Variants in CDH20 observed in about 807,000 individuals in gnomAD.
CDH20 encodes the protein cadherin-20.
CDH20 carries 29 observed loss-of-function variants against 74.2 expected under a neutral mutation model. The observed-to-expected ratio is 0.39, with a 90% CI of 0.29 to 0.53. The LOEUF (loss-of-function observed/expected upper bound fraction) is 0.53. CDH20 is among the 20% of genes least tolerant of loss of function. The pLI is 0.69. For synonymous variants in CDH20, 469 were observed against 405.4 expected, an observed-to-expected ratio of 1.16 and a Z score of -1.88; for missense variants, 988 against 1,048.3, an observed-to-expected ratio of 0.94 and a Z score of 0.79.
chr18:61,499,832 C>T (rs1184059396), intron 3 of CDH20, among the ~76,000 whole-genome samples: 3 of 152,108 alleles, frequency 2.0e-5, no homozygotes, highest in African/African-American at 2.4e-5. Flanking sequence ...CGGTGGCTCA[C>T]GCCTGTAATC....
intron 1 of CDH20, among the ~76,000 whole-genome samples, chr18:61,437,239 C>T (rs900267974): frequency 6.6e-6 from 1 of 152,186 alleles, no homozygotes; most frequent in African/African-American, 2.4e-5. Context: ...GTTCTTCCCA[C>T]TTGCCAGGTA....
intron 1 of CDH20, among the ~76,000 whole-genome samples, chr18:61,434,999 C>G (rs1908785118): frequency 6.6e-6 from 1 of 152,032 alleles, no homozygotes; most frequent in Admixed American, 6.6e-5. Context: ...AACTAAAACT[C>G]AAAGTAATAA....
intron 1 of CDH20, among the ~76,000 whole-genome samples, chr18:61,351,346 T>C (rs1180689890): frequency 6.6e-6 from 1 of 152,186 alleles, no homozygotes; most frequent in East Asian, 1.9e-4. Flanking sequence ...CAGCCATGGA[T>C]GTTGCAGTCT....
chr18:61,338,782 T>A (rs868565458), intron 1 of CDH20, among the ~76,000 whole-genome samples: 1 of 152,294 alleles, frequency 6.6e-6, no homozygotes, highest in Middle Eastern at 3.4e-3. Context: ...TGTTTAACAA[T>A]CAAATCACAA....
At chr18:61,552,978 T>C (rs1227298302) in intron 11 of CDH20, among the ~76,000 whole-genome samples, 2 of 152,202 alleles carry the variant, frequency 1.3e-5, no homozygotes, top group East Asian at 1.9e-4. Flanking sequence ...CCTCGTATTT[T>C]TGCACACAGG....
At chr18:61,430,099 C>T (rs1301355926) in intron 1 of CDH20, among the ~76,000 whole-genome samples, 1 of 151,928 alleles carries the variant, frequency 6.6e-6, no homozygotes, top group Admixed American at 6.6e-5. Flanking sequence ...CCCCTTACTC[C>T]TAGGCATCTT....
At chr18:61,480,763 C>T (rs768181652) in intron 1 of CDH20, among the ~76,000 whole-genome samples, 25 of 152,136 alleles carry the variant, frequency 1.6e-4, no homozygotes, top group Non-Finnish European at 3.5e-4. Context: ...ATAAGATTTC[C>T]AAGTATTTCT....
chr18:61,445,306 C>CA (rs543705965), intron 1 of CDH20, among the ~76,000 whole-genome samples: 21,220 of 151,800 alleles, frequency 0.14, 1,582 homozygotes, highest in East Asian at 0.22. Context: ...TCCATTTACA[C>CA]AAAAAAAATC....
At chr18:61,548,245 AT>A (rs1005876519) in intron 10 of CDH20, among the ~76,000 whole-genome samples, 9 of 152,028 alleles carry the variant, frequency 5.9e-5, no homozygotes, top group Non-Finnish European at 1.2e-4. Context: ...GCTTATCTGA[AT>A]TTTTTTTGAC....
At chr18:61,428,070 G>A (rs537540932) in intron 1 of CDH20, among the ~76,000 whole-genome samples, 15 of 152,284 alleles carry the variant, frequency 9.9e-5, no homozygotes, top group Non-Finnish European at 1.6e-4. Flanking sequence ...CTGTAAGATT[G>A]GCACAAGCTG....
intron 1 of CDH20, among the ~76,000 whole-genome samples, chr18:61,368,102 A>G (rs1599039860): frequency 6.6e-6 from 1 of 152,090 alleles, no homozygotes; most frequent in Admixed American, 6.6e-5. Flanking sequence ...GGAAGACACA[A>G]TCTAACCCAT....
chr18:61,548,564 G>A (rs961253131), intron 10 of CDH20, among the ~76,000 whole-genome samples: 1 of 152,216 alleles, frequency 6.6e-6, no homozygotes, highest in Non-Finnish European at 1.5e-5. Context: ...TAATTAAGGG[G>A]TAATGTGTTA....
chr18:61,534,905 C>T (rs1191073073), intron 7 of CDH20, among the ~76,000 whole-genome samples: 1 of 152,086 alleles, frequency 6.6e-6, no homozygotes, highest in Non-Finnish European at 1.5e-5. Flanking sequence ...AAAACAAATA[C>T]ATATGTGAGG....
At chr18:61,377,637 C>T (rs905341635) in intron 1 of CDH20, among the ~76,000 whole-genome samples, 40 of 152,040 alleles carry the variant, frequency 2.6e-4, no homozygotes, top group Admixed American at 2.5e-3. Flanking sequence ...TTACAACCAG[C>T]GCACACATCC....
intron 1 of CDH20, among the ~76,000 whole-genome samples, chr18:61,468,894 G>T (rs1458453120): frequency 1.3e-5 from 2 of 152,094 alleles, no homozygotes; most frequent in Non-Finnish European, 2.9e-5. Context: ...TTATGAATTT[G>T]TTTCCCCATT....
intron 1 of CDH20, among the ~76,000 whole-genome samples, chr18:61,442,880 C>T (rs1409772114): frequency 2.7e-5 from 4 of 149,060 alleles, no homozygotes; most frequent in African/African-American, 9.9e-5. Flanking sequence ...CTGATTTGCC[C>T]TCAGATTTAA....
chr18:61,538,767 C>T (rs1018919742), intron 8 of CDH20, among the ~76,000 whole-genome samples: 2 of 151,152 alleles, frequency 1.3e-5, no homozygotes, highest in Non-Finnish European at 3.0e-5. Flanking sequence ...TACAGGCGCC[C>T]GCCACCACGC....
chr18:61,344,540 G>C (rs758314738), intron 1 of CDH20, among the ~76,000 whole-genome samples: 1 of 152,096 alleles, frequency 6.6e-6, no homozygotes, highest in Non-Finnish European at 1.5e-5. Context: ...CTATTTAAAT[G>C]CAGATACCTA....
At chr18:61,490,352 T>C in intron 1 of CDH20, 50 bp from the exon 2 acceptor site, 1 of 541,058 alleles carries the variant, frequency 1.8e-6, no homozygotes. Flanking sequence ...GCAACCCGCC[T>C]GCAGGAAAGA....
Sources: allele counts gnomAD v4.1 joint callset (sites outside exome capture counted in the v4.1 genomes callset), GRCh38; gene constraint gnomAD v4.1.1; transcripts MANE v1.5; gene names NCBI Gene and HGNC (gene_info 2026-07-23, HGNC 2026-07-21).